KAT8: variants seen among roughly 807,000 people sequenced by gnomAD.
KAT8 encodes the protein lysine acetyltransferase 8, also known as histone acetyltransferase KAT8.
Under a neutral mutation model 62.9 loss-of-function variants are expected in KAT8, and 40 were observed. The observed-to-expected ratio is 0.64, with a 90% CI of 0.49 to 0.83. KAT8 has a LOEUF of 0.83. Ranked by LOEUF, KAT8 falls within the 40% of genes least tolerant of loss-of-function variation. The probability of loss-of-function intolerance (pLI) is 0.00; values close to 1 mark genes in which losing one functional copy is unlikely to be tolerated. For missense variants in KAT8, 387 were observed against 614.8 expected, an observed-to-expected ratio of 0.63 and a Z score of 3.92; for synonymous variants, 278 against 254.5, an observed-to-expected ratio of 1.09 and a Z score of -0.88.
chr16:31,123,332 G>T (rs1037484185), intron 3 of KAT8, among the ~76,000 whole-genome samples: 238 of 150,900 alleles, frequency 1.6e-3, no homozygotes, highest in Middle Eastern at 7.0e-3. Context: ...GTTTCCTGCC[G>T]CAGCCTCCCA....
chr16:31,128,625 G>A (rs958346204), intron 6 of KAT8, among the ~76,000 whole-genome samples: 18 of 152,220 alleles, frequency 1.2e-4, no homozygotes, highest in Admixed American at 1.0e-3. Flanking sequence ...ACAGGGCCTT[G>A]TGGTGGCCCC....
At chr16:31,129,162 T>C (rs2057553935) in intron 6 of KAT8, among the ~76,000 whole-genome samples, 1 of 152,252 alleles carries the variant, frequency 6.6e-6, no homozygotes, top group Admixed American at 6.5e-5. Flanking sequence ...GTCAAGTGTT[T>C]AGTGCAGTGC....
chr16:31,118,037 G>A, intron 1 of KAT8, 145 bp downstream of exon 1: 1 of 617,416 alleles, frequency 1.6e-6, no homozygotes, highest in South Asian at 5.1e-5. Flanking sequence ...AAAGAACGCC[G>A]CGTTCCGGGC....
chr16:31,129,522 C>T (rs1041777928), intron 6 of KAT8, among the ~76,000 whole-genome samples: 10 of 152,214 alleles, frequency 6.6e-5, no homozygotes, highest in South Asian at 2.1e-4. Flanking sequence ...TAGTGTGTGC[C>T]GTGAAGCCAA....
At position 31,127,137 on chromosome 16, in the gene KAT8, G is replaced by A. The variant is rs377653407; in HGVS notation, c.516+49G>A. Reference sequence around the variant, plus strand: ...TGCAGGTCCCCCGTCTCCCCTTGCCGAGGAGCCCCTGCTGAGCCGTGCACT... The same window carrying A: ...TGCAGGTCCCCCGTCTCCCCTTGCCAAGGAGCCCCTGCTGAGCCGTGCACT... On this transcript the variant is annotated intron_variant, in intron 4 of 10. Coordinates refer to ENST00000219797, the MANE Select transcript of KAT8 (RefSeq NM_032188.3). The A allele has an allele frequency of 3.8e-5, 62 of 1,613,916 alleles. No homozygotes were observed. In the African/African-American group the frequency reaches 7.6e-4, roughly 20 times the overall value.
chr16:31,123,066 C>T (rs2057508950), intron 3 of KAT8, among the ~76,000 whole-genome samples: 1 of 151,956 alleles, frequency 6.6e-6, no homozygotes, highest in Admixed American at 6.6e-5. Flanking sequence ...ACCTGTAATC[C>T]CGGCTACTTA....
intron 5 of KAT8, 22 bp downstream of exon 5, chr16:31,127,375 C>T (rs746283767): frequency 1.1e-5 from 17 of 1,612,700 alleles, no homozygotes; most frequent in East Asian, 4.5e-5. Context: ...CCGGCCGGGC[C>T]GAGCTGGGCA....
Position 31,120,658 on chromosome 16 carries a change from C to T in KAT8, c.462+144C>T, listed in dbSNP as rs1173591829. ...GTGTCAGGGACTTTACCTACTTCCTCTTACTTACTTTTCATAGGTAAGAAA... is the reference window on the plus strand; with the variant it reads ...GTGTCAGGGACTTTACCTACTTCCTTTTACTTACTTTTCATAGGTAAGAAA... On this transcript the variant is annotated intron_variant, in intron 3 of 10. Coordinates refer to ENST00000219797, the MANE Select transcript of KAT8 (RefSeq NM_032188.3). 1.2e-5 allele frequency: 9 copies of T among 728,258 alleles called. 1 individual carries two copies. Among genetic ancestry groups the T allele is most frequent in the South Asian group, 1.0e-4 (5 of 48,856 alleles). 45.1% of individuals were successfully genotyped at this position (728,258 alleles called of 1,614,324 possible). A position where few individuals can be genotyped will look rare whatever the true frequency, so the allele number is the denominator to read the frequency against.
chr16:31,123,498 C>T (rs542066091), intron 3 of KAT8, among the ~76,000 whole-genome samples: 2 of 151,614 alleles, frequency 1.3e-5, no homozygotes, highest in East Asian at 3.9e-4. Flanking sequence ...TGTGAGCCAC[C>T]GTGCCCAGCC....
intron 3 of KAT8, 56 bp downstream of exon 3, chr16:31,120,570 C>G: frequency 6.5e-7 from 1 of 1,541,056 alleles, no homozygotes; most frequent in Non-Finnish European, 8.8e-7. Context: ...TGCCAGTTCC[C>G]TTGGGTCTCT....
At chr16:31,127,886 A>C (rs1413524816) in intron 5 of KAT8, among the ~76,000 whole-genome samples, 164 bp from the exon 6 acceptor site, 1 of 152,218 alleles carries the variant, frequency 6.6e-6, no homozygotes, top group Non-Finnish European at 1.5e-5. Flanking sequence ...CTGTAAAAGC[A>C]GGATCACTTT....
rs752735845 is a variant in KAT8, at chr16:31,131,188, C to T, written c.1313-7C>T. On this transcript the variant is annotated splice_polypyrimidine_tract_variant and splice_region_variant and intron_variant, in intron 10 of 10. Coordinates refer to ENST00000219797, the MANE Select transcript of KAT8 (RefSeq NM_032188.3). ...CCAGCCCTGCCTCCCGCCCCTTCTC[C>T]CCACAGTGGACTCCGTCTGCCTCAA... 5 of 1,613,880 alleles carry T rather than the reference C, an allele frequency of 3.1e-6. No homozygotes were observed. In the African/African-American group the frequency reaches 6.7e-5, roughly 22 times the overall value.
rs1430330408 is a variant in KAT8 at position 31,127,197 on chromosome 16, G to A, written c.525G>A (p.Lys175=). 4 of 1,614,234 alleles carry A rather than the reference G, an allele frequency of 2.5e-6. No individual in the cohort carries two copies. The highest frequency in any genetic ancestry group is 3.4e-6 in the Non-Finnish European group (4 of 1,180,036). ...TCCCACCCTGCCTGCAGATCACCAA[G>A]GTGAAGTATGTGGACAAGATCCACA... is the stretch of plus-strand genomic sequence containing the variant. ...ALEKEHEAIT[K]VKYVDKIHIG... Residue 175 remains lysine, a synonymous_variant, in exon 5 of 11, where the codon AAG becomes AAA. Coordinates refer to ENST00000219797, the MANE Select transcript of KAT8 (RefSeq NM_032188.3).
intron 10 of KAT8, 145 bp downstream of exon 10, chr16:31,131,045 T>C: frequency 6.7e-7 from 1 of 1,502,748 alleles, no homozygotes; most frequent in Non-Finnish European, 8.9e-7. Flanking sequence ...AGGCCTCTCA[T>C]TCCTGGGCTT....
rs560454208 is a variant in KAT8, at chr16:31,123,998, C to T, written c.463-3037C>T. On this transcript the variant is annotated intron_variant, in intron 3 of 10. Transcript: ENST00000219797. ...GGTAATGAAACAATCATCCAGTTAA[C>T]AATCAGCAAGGTTCTTCAGAGCCTA... 5 of 152,332 alleles carry T rather than the reference C, an allele frequency of 3.3e-5. No individual in the cohort carries two copies. The South Asian group carries it at 1.0e-3, about 32-fold the overall frequency. The allele number at this position is 152,332 out of a possible 1,614,324, so 9.4% of individuals were successfully genotyped here. A position where few individuals can be genotyped will look rare whatever the true frequency, so the allele number is the denominator to read the frequency against.
At chr16:31,125,341 C>T (rs865908415) in intron 3 of KAT8, among the ~76,000 whole-genome samples, 1 of 152,098 alleles carries the variant, frequency 6.6e-6, no homozygotes, top group South Asian at 2.1e-4. Context: ...CAGTGGCTCA[C>T]GCCTGTAATC....
intron 3 of KAT8, chr16:31,126,711 G>T: frequency 3.0e-6 from 1 of 335,732 alleles, no homozygotes; most frequent in Admixed American, 4.4e-5. Context: ...TTTCATTTGA[G>T]TCTCACAACT....
At chr16:31,120,693 G>T in intron 3 of KAT8, 179 bp downstream of exon 3, 1 of 603,500 alleles carries the variant, frequency 1.7e-6, no homozygotes. Flanking sequence ...AACAGACAGA[G>T]GGTAAGGGCT....
In KAT8 at chr16:31,127,290, G is replaced by A; in HGVS notation, c.618G>A (p.Lys206=). 1 of 1,614,248 alleles carries A rather than the reference G, an allele frequency of 6.2e-7. No homozygotes were observed. The highest frequency in any genetic ancestry group is 8.5e-7 in the Non-Finnish European group (1 of 1,180,040). ...CCGAAGACTATGGGAAACAGCCCAA[G>A]CTCTGGCTCTGCGAGTACTGCCTCA... ...PFPEDYGKQP[K]LWLCEYCLKY... is the part of the protein sequence containing the mutation. Residue 206 remains lysine, a synonymous_variant, in exon 5 of 11, where the codon AAG becomes AAA. Transcript: ENST00000219797.
Sources: gnomAD v4.1 joint callset for allele counts (sites outside exome capture counted in the v4.1 genomes callset) on GRCh38, gnomAD v4.1.1 for gene constraint, MANE v1.5 for transcripts, NCBI Gene and HGNC (gene_info 2026-07-23, HGNC 2026-07-21) for gene names.